Variants in NKD1 observed in about 807,000 individuals in gnomAD.
The protein encoded by NKD1 is protein naked cuticle homolog 1.
A neutral mutation model predicts 56.0 loss-of-function variants in NKD1; 21 were observed. That is an observed-to-expected ratio of 0.38 (90% CI 0.27 to 0.54). NKD1 has a LOEUF of 0.54. Ranked by LOEUF, NKD1 falls within the 20% of genes least tolerant of loss-of-function variation. The probability of loss-of-function intolerance (pLI) is 0.82; values close to 1 mark genes in which losing one functional copy is unlikely to be tolerated. For missense variants in NKD1, 578 were observed against 642.7 expected (o/e 0.90, Z 1.09); for synonymous variants, 263 against 265.7 (o/e 0.99, Z 0.10).
chr16:50,603,658 A>G (rs76406913), intron 3 of NKD1, among the ~76,000 whole-genome samples: 1,907 of 152,368 alleles, frequency 0.013, 45 homozygotes, highest in African/African-American at 0.044. Context: ...AAGATGTTAC[A>G]TTCAGAAGTA....
rs74017718 is a variant in NKD1 at position 50,568,271 on chromosome 16, G to A, written c.192+18716G>A. On this transcript the variant is annotated intron_variant, in intron 3 of 9. Coordinates refer to ENST00000268459, the MANE Select transcript of NKD1 (RefSeq NM_033119.5). ...CGGAAGCCTAAGGGTGTTGAACAGG[G>A]AAGAGACGTGGTTAGCACTGGGCTT... 7.3e-3 allele frequency among the ~76,000 whole-genome samples: 1,108 copies of A among 152,326 alleles called. 13 individuals are homozygous for A. Among genetic ancestry groups the A allele is most frequent in the African/African-American group, 0.025 (1,032 of 41,564 alleles).
chr16:50,590,911 A>G (rs1480414074), intron 3 of NKD1, among the ~76,000 whole-genome samples: 1 of 152,112 alleles, frequency 6.6e-6, no homozygotes, highest in Non-Finnish European at 1.5e-5. Flanking sequence ...TCCACCTCCA[A>G]GGTTCAAGTG....
chr16:50,567,826 C>A (rs1960794967), intron 3 of NKD1, among the ~76,000 whole-genome samples: 1 of 152,170 alleles, frequency 6.6e-6, no homozygotes, highest in South Asian at 2.1e-4. Context: ...TGGTTAACAG[C>A]AAATTAATCA....
At chr16:50,604,284 G>A (rs1961658467) in intron 3 of NKD1, among the ~76,000 whole-genome samples, 1 of 152,194 alleles carries the variant, frequency 6.6e-6, no homozygotes, top group African/African-American at 2.4e-5. Flanking sequence ...GGGTAATCAT[G>A]GCAGTCCTTT....
chr16:50,549,524 G>C lies in NKD1; in HGVS notation c.161G>C (p.Arg54Pro). 1 of 1,607,090 alleles carries C rather than the reference G, an allele frequency of 6.2e-7. No homozygotes were observed. The stretch of plus-strand genomic sequence containing the variant: ...GGTGTCTCGGGACCCCGACAGCTGC[G>C]GTTGGCGGGCACCATAGGCCGAAGC... ...PGGVSGPRQL[R>P]LAGTIGRSTR... is the part of the protein sequence containing the mutation. The change falls in exon 3 of 10, where the codon CGG (arginine) becomes CCG (proline). Residue 54 changes from arginine to proline, a missense_variant. By Grantham distance (103) the Arg-to-Pro change is moderately radical. Coordinates refer to ENST00000268459, the MANE Select transcript of NKD1 (RefSeq NM_033119.5).
At chr16:50,552,176 T>C (rs1014929700) in intron 3 of NKD1, 1 of 152,266 alleles carries the variant, frequency 6.6e-6, no homozygotes, top group African/African-American at 2.4e-5. Context: ...ACTAGTATTA[T>C]TGTTATTGCA....
At chr16:50,608,400 TG>T in intron 4 of NKD1, 40 bp downstream of exon 4, 2 of 1,468,984 alleles carry the variant, frequency 1.4e-6, no homozygotes, top group Non-Finnish European at 9.5e-7. Context: ...CAGCAGCGAG[TG>T]GGGGAAGCGG....
chr16:50,550,038 C>T (rs1960344007), intron 3 of NKD1, among the ~76,000 whole-genome samples: 1 of 152,066 alleles, frequency 6.6e-6, no homozygotes, highest in African/African-American at 2.4e-5. Flanking sequence ...GAGCAGGCGG[C>T]CCTCTGGGTA....
chr16:50,562,991 C>T (rs556476880), intron 3 of NKD1, among the ~76,000 whole-genome samples: 2 of 125,600 alleles, frequency 1.6e-5, no homozygotes, highest in South Asian at 6.1e-4. Context: ...CCACCACCCC[C>T]CCCCCCCGCC....
rs1961513324 is a variant in NKD1 at position 50,598,147 on chromosome 16, GGC to G, written c.193-10146_193-10145del. Among the ~76,000 whole-genome samples, 1 of 152,050 alleles carries G rather than the reference GGC, an allele frequency of 6.6e-6. No individual in the cohort carries two copies. The highest frequency in any genetic ancestry group is 1.5e-5 in the Non-Finnish European group (1 of 68,018). On this transcript the variant is annotated intron_variant, in intron 3 of 9. Transcript: ENST00000268459. The surrounding 1 kb of genome is among the most constrained non-coding windows in gnomAD (Gnocchi z 4.2). ...CAGGAGATGAGAGTGGGAGGCCCAG[GGC>G]TGATGGGATCAGAGTGGGTAGGAGC... is the stretch of plus-strand genomic sequence containing the variant.
chr16:50,633,171 G>A lies in NKD1; in HGVS notation c.824-21G>A, dbSNP rs766963509. ...AGCACACAGTAGGTGCTCATTAAATGTCTGTTGAATTGGTTCCTAGGCTCC... is the reference window on the plus strand; with the variant it reads ...AGCACACAGTAGGTGCTCATTAAATATCTGTTGAATTGGTTCCTAGGCTCC... On this transcript the variant is annotated intron_variant, in intron 9 of 9. Coordinates refer to ENST00000268459, the MANE Select transcript of NKD1 (RefSeq NM_033119.5). The surrounding 1 kb of genome is among the most constrained non-coding windows in gnomAD (Gnocchi z 4.9). 3.2e-6 allele frequency: 5 copies of A among 1,580,642 alleles called. No homozygotes were observed. Among genetic ancestry groups the A allele is most frequent in the East Asian group, 4.5e-5 (2 of 44,522 alleles).
chr16:50,588,660 T>C (rs1961282851), intron 3 of NKD1, among the ~76,000 whole-genome samples: 1 of 145,694 alleles, frequency 6.9e-6, no homozygotes, highest in South Asian at 2.2e-4. Context: ...TGGAGAGCAG[T>C]GGTGTGATCT....
At chr16:50,629,326 G>A (rs1962292288) in intron 6 of NKD1, among the ~76,000 whole-genome samples, 1 of 152,130 alleles carries the variant, frequency 6.6e-6, no homozygotes, top group South Asian at 2.1e-4. Flanking sequence ...TTTAACCTTA[G>A]TTATCTCCTT....
In NKD1 at chr16:50,568,040, G is replaced by A. The variant is rs535581851; in HGVS notation, c.192+18485G>A. ...AGTTATTTCAGGAGACAAGCAAAGA[G>A]CCCTTTATTCTCACGTTCTGTGGGA... On this transcript the variant is annotated intron_variant, in intron 3 of 9. Coordinates refer to ENST00000268459, the MANE Select transcript of NKD1 (RefSeq NM_033119.5). Among the ~76,000 whole-genome samples, 45 of 152,382 alleles carry A rather than the reference G, an allele frequency of 3.0e-4. 1 individual carries two copies. The South Asian group carries it at 9.1e-3, about 31-fold the overall frequency.
intron 6 of NKD1, among the ~76,000 whole-genome samples, chr16:50,626,333 G>A (rs182487375): frequency 6.6e-6 from 1 of 152,246 alleles, no homozygotes; most frequent in Non-Finnish European, 1.5e-5. Flanking sequence ...ACAAGAGGCA[G>A]ATCCAAACAA....
chr16:50,612,141 T>C (rs984354668), intron 4 of NKD1, among the ~76,000 whole-genome samples: 4 of 152,232 alleles, frequency 2.6e-5, no homozygotes, highest in Non-Finnish European at 5.9e-5. Context: ...CAATACCCTG[T>C]AGTCACTGAA....
chr16:50,597,314 G>A (rs1486756927), intron 3 of NKD1, among the ~76,000 whole-genome samples: 1 of 152,182 alleles, frequency 6.6e-6, no homozygotes, highest in East Asian at 1.9e-4. Flanking sequence ...AGGTTTGGGG[G>A]CCGCCAGGCG....
chr16:50,601,281 G>A (rs1039327493), intron 3 of NKD1, among the ~76,000 whole-genome samples: 2 of 152,228 alleles, frequency 1.3e-5, no homozygotes, highest in Non-Finnish European at 2.9e-5. Flanking sequence ...TCTGGGAGCT[G>A]TGGGAGTCAG....
intron 3 of NKD1, chr16:50,556,341 A>G (rs750355521): frequency 6.6e-6 from 1 of 152,274 alleles, no homozygotes; most frequent in African/African-American, 2.4e-5. Context: ...CTTCCTGGGA[A>G]GGCAGAAGGG....
Sources: gnomAD v4.1 joint callset for allele counts (sites outside exome capture counted in the v4.1 genomes callset) on GRCh38, gnomAD v4.1.1 for gene constraint, Gnocchi (gnomAD v3.1) non-coding constraint, MANE v1.5 for transcripts, NCBI Gene and HGNC (gene_info 2026-07-23, HGNC 2026-07-21) for gene names.